Variants in UCK2 observed in about 807,000 individuals in gnomAD.
UCK2 encodes cytidine monophosphokinase 2.
A neutral mutation model predicts 30.8 loss-of-function variants in UCK2; 6 were observed. The ratio of observed to expected loss-of-function variants is 0.19; its 90% CI spans 0.11 to 0.38. UCK2 has a LOEUF of 0.38. Ranked by LOEUF, UCK2 falls within the 10% of genes least tolerant of loss-of-function variation. The pLI is 1.00. For synonymous variants in UCK2, 125 were observed against 133.6 expected (o/e 0.94, Z 0.45); for missense variants, 210 against 339.8 (o/e 0.62, Z 3.00).
intron 1 of UCK2, among the ~76,000 whole-genome samples, chr1:165,854,111 G>T (rs1654665894): frequency 6.6e-6 from 1 of 152,206 alleles, no homozygotes; most frequent in Non-Finnish European, 1.5e-5. Flanking sequence ...GGTTCAGATT[G>T]TGAGGCAGAA....
chr1:165,892,090 C>T lies in UCK2; in HGVS notation c.356+768C>T, dbSNP rs76155367. 415 of 150,630 alleles carry T rather than the reference C, an allele frequency of 2.8e-3. 1 individual carries two copies. Among genetic ancestry groups the T allele is most frequent in the Non-Finnish European group, 5.0e-3 (342 of 67,816 alleles). The allele number at this position is 150,630 out of a possible 1,614,324, so 9.3% of individuals were successfully genotyped here. On this transcript the variant is annotated intron_variant, in intron 3 of 6. Transcript: ENST00000367879. ...GAGAGAATGAGCATGCATGTGTGTGCGTTGAGGTGTAGAGGGGGCTGTTTT... is the reference window on the plus strand; with the variant it reads ...GAGAGAATGAGCATGCATGTGTGTGTGTTGAGGTGTAGAGGGGGCTGTTTT...
chr1:165,867,004 G>T (rs996256634), intron 1 of UCK2, among the ~76,000 whole-genome samples: 1 of 152,086 alleles, frequency 6.6e-6, no homozygotes, highest in Non-Finnish European at 1.5e-5. Context: ...TGCAGACCAC[G>T]GCAATAAAGT....
At chr1:165,837,080 T>C (rs988087517) in intron 1 of UCK2, among the ~76,000 whole-genome samples, 47 of 152,208 alleles carry the variant, frequency 3.1e-4, no homozygotes, top group African/African-American at 1.0e-3. Context: ...ATGGCATTAA[T>C]CCAGTTCATG....
At chr1:165,839,772 G>A (rs953450881) in intron 1 of UCK2, among the ~76,000 whole-genome samples, 2 of 152,194 alleles carry the variant, frequency 1.3e-5, no homozygotes, top group African/African-American at 4.8e-5. Context: ...AGGAGATGAT[G>A]TCTGGTTTGG....
At position 165,890,472 on chromosome 1, in the gene UCK2, T is replaced by C. The variant is rs1655738469; in HGVS notation, c.259+109T>C. 3.6e-6 allele frequency: 4 copies of C among 1,123,174 alleles called. No homozygotes were observed. In the East Asian group the frequency reaches 7.7e-5, roughly 21 times the overall value. The allele number at this position is 1,123,174 out of a possible 1,614,324, so 69.6% of individuals were successfully genotyped here. ...AACCTCTCGGAATCTTGTTTCTATCTAGAACGTAGGGACTTGATAACTACC... is the reference window on the plus strand; with the variant it reads ...AACCTCTCGGAATCTTGTTTCTATCCAGAACGTAGGGACTTGATAACTACC... On this transcript the variant is annotated intron_variant, in intron 2 of 6. Coordinates refer to ENST00000367879, the MANE Select transcript of UCK2 (RefSeq NM_012474.5).
At position 165,864,168 on chromosome 1, in the gene UCK2, G is replaced by A. The variant is rs894319106; in HGVS notation, c.100-26036G>A. Among the ~76,000 whole-genome samples the A allele has an allele frequency of 1.1e-4, 16 of 152,222 alleles. No individual in the cohort carries two copies. The East Asian group carries it at 2.9e-3, about 28-fold the overall frequency. ...TCACCATGTTGGTCAGGCTGGTCTC[G>A]AACTCTTGACCTCAGGTGATCCACC... On this transcript the variant is annotated intron_variant, in intron 1 of 6. Transcript: ENST00000367879.
intron 1 of UCK2, among the ~76,000 whole-genome samples, chr1:165,884,042 G>A (rs1320880083): frequency 2.1e-5 from 3 of 146,008 alleles, no homozygotes; most frequent in Non-Finnish European, 4.6e-5. Context: ...TCTGGGGGCT[G>A]CAATGGTTTT....
intron 1 of UCK2, among the ~76,000 whole-genome samples, chr1:165,853,073 G>A (rs1384989287): frequency 6.6e-6 from 1 of 152,144 alleles, no homozygotes; most frequent in African/African-American, 2.4e-5. Context: ...AGCTCCAAGG[G>A]GCCGCCTTCC....
rs112053287 is a variant in UCK2 at position 165,890,988 on chromosome 1, G to A, written c.260-238G>A. The A allele has an allele frequency of 2.0e-5, 9 of 441,008 alleles. 1 individual carries two copies. The highest frequency in any genetic ancestry group is 1.0e-4 in the African/African-American group (5 of 49,940). 27.3% of individuals were successfully genotyped at this position (441,008 alleles called of 1,614,324 possible). The stretch of plus-strand genomic sequence containing the variant: ...GAAAGAACTGACTGAAGTCAGGGAT[G>A]GAATGTCAAAGGAGAGAAAAAAGAA... On this transcript the variant is annotated intron_variant, in intron 2 of 6. Transcript: ENST00000367879.
chr1:165,856,360 A>G (rs1339739297), intron 1 of UCK2, among the ~76,000 whole-genome samples: 6 of 151,384 alleles, frequency 4.0e-5, no homozygotes, highest in African/African-American at 1.2e-4. Context: ...AGCAAACATT[A>G]CGTGCCTGTT....
At chr1:165,864,762 C>T (rs1655006362) in intron 1 of UCK2, among the ~76,000 whole-genome samples, 1 of 152,128 alleles carries the variant, frequency 6.6e-6, no homozygotes, top group Non-Finnish European at 1.5e-5. Flanking sequence ...TCACTGCAGC[C>T]CCGACCTCCT....
In UCK2 at chr1:165,847,759, A is replaced by G. The variant is rs999667744; in HGVS notation, c.99+19827A>G. ...CTTCAGAGTAGCTAGGGCTACAGGC[A>G]TATGCCACCATTCCCAGCTTGAAGA... On this transcript the variant is annotated intron_variant, in intron 1 of 6. Coordinates refer to ENST00000367879, the MANE Select transcript of UCK2 (RefSeq NM_012474.5). 3.9e-5 allele frequency among the ~76,000 whole-genome samples: 6 copies of G among 152,052 alleles called. No homozygotes were observed. The East Asian group carries it at 9.7e-4, about 24-fold the overall frequency.
chr1:165,830,662 C>A (rs551026833), intron 1 of UCK2, among the ~76,000 whole-genome samples: 1 of 152,280 alleles, frequency 6.6e-6, no homozygotes, highest in South Asian at 2.1e-4. Flanking sequence ...CCATGTTGCC[C>A]AAGCTTGTTT....
At chr1:165,832,147 T>C (rs746410801) in intron 1 of UCK2, among the ~76,000 whole-genome samples, 5 of 152,220 alleles carry the variant, frequency 3.3e-5, no homozygotes, top group Non-Finnish European at 5.9e-5. Context: ...AGTGGTCTTC[T>C]TTTTGTAATG....
At chr1:165,853,038 C>G (rs963534612) in intron 1 of UCK2, among the ~76,000 whole-genome samples, 1 of 151,210 alleles carries the variant, frequency 6.6e-6, no homozygotes, top group Non-Finnish European at 1.5e-5. Flanking sequence ...ATGTGAATAT[C>G]AAGGCCTGAT....
rs913609060 is a variant in UCK2, at chr1:165,827,745, C to G, written c.-89C>G. On this transcript the variant is annotated 5_prime_UTR_variant, in exon 1 of 7. Coordinates refer to ENST00000367879, the MANE Select transcript of UCK2 (RefSeq NM_012474.5). ...CAGCCCCGGCAGCGCCCAGCGGCGG[C>G]TGCGGAAAGCGGAGGGAGTCCGACG... The G allele has an allele frequency of 5.1e-6, 6 of 1,178,704 alleles. No individual in the cohort carries two copies. The African/African-American group carries it at 9.6e-5, about 19-fold the overall frequency. The allele number at this position is 1,178,704 out of a possible 1,614,324, so 73.0% of individuals were successfully genotyped here.
intron 1 of UCK2, among the ~76,000 whole-genome samples, chr1:165,882,881 G>C (rs2101877389): frequency 6.6e-6 from 1 of 152,258 alleles, no homozygotes; most frequent in East Asian, 1.9e-4. Context: ...CTGGAGTGCA[G>C]TGGCATGATC....
intron 1 of UCK2, among the ~76,000 whole-genome samples, chr1:165,852,726 C>G (rs138079175): frequency 6.6e-6 from 1 of 152,206 alleles, no homozygotes; most frequent in African/African-American, 2.4e-5. Flanking sequence ...TTTCATCTAT[C>G]CTTCCTTATA....
At position 165,911,513 on chromosome 1, in the gene UCK2, G is replaced by A. The variant is rs952630227; in HGVS notation, c.*3690G>A. ...GCTTTTTTTTCCCCCCTTTTAAGAT[G>A]CTTGCTCCTCTCCCTTTTCTTTTTA... is the stretch of plus-strand genomic sequence containing the variant. On this transcript the variant is annotated 3_prime_UTR_variant, in exon 7 of 7. Transcript: ENST00000367879. 10 of 152,086 alleles carry A rather than the reference G, an allele frequency of 6.6e-5. No individual in the cohort carries two copies. The highest frequency in any genetic ancestry group is 2.4e-4 in the African/African-American group (10 of 41,380). 9.4% of individuals were successfully genotyped at this position (152,086 alleles called of 1,614,324 possible).
Sources: allele counts gnomAD v4.1 joint callset (sites outside exome capture counted in the v4.1 genomes callset), GRCh38; gene constraint gnomAD v4.1.1; transcripts MANE v1.5; gene names NCBI Gene and HGNC (gene_info 2026-07-23, HGNC 2026-07-21).